The following NHEJ1 variants were observed in gnomAD, a reference collection of about 807,000 sequenced individuals.
NHEJ1 encodes non-homologous end-joining factor 1.
In NHEJ1, 22 loss-of-function variants were observed where a neutral mutation model predicts 39.4. The ratio of observed to expected loss-of-function variants is 0.56; its 90% CI spans 0.40 to 0.80. NHEJ1 has a LOEUF of 0.80. NHEJ1 is among the 30% of genes least tolerant of loss of function. The pLI is 0.00. For synonymous variants in NHEJ1, 154 were observed against 135.6 expected (o/e 1.14, Z -0.94); for missense variants, 329 against 357.1 (o/e 0.92, Z 0.63).
intron 5 of NHEJ1, among the ~76,000 whole-genome samples, chr2:219,143,845 G>A (rs896943087): frequency 6.6e-6 from 1 of 152,178 alleles, no homozygotes; most frequent in African/African-American, 2.4e-5. Flanking sequence ...AATGAGAAGT[G>A]ATTTATCCAA....
chr2:219,140,700 T>C (rs1033309458), intron 5 of NHEJ1, among the ~76,000 whole-genome samples: 1 of 152,214 alleles, frequency 6.6e-6, no homozygotes, highest in African/African-American at 2.4e-5. Flanking sequence ...AGTTCAATTT[T>C]GGACGTGTTG....
rs59843524 is a variant in NHEJ1, at chr2:219,135,043, T to TAAAAAA, written c.588+11631_588+11636dup. Among the ~76,000 whole-genome samples, 4 of 110,398 alleles carry TAAAAAA rather than the reference T, an allele frequency of 3.6e-5. 1 individual carries two copies. Among genetic ancestry groups the TAAAAAA allele is most frequent in the Non-Finnish European group, 5.5e-5 (3 of 54,774 alleles). 72.4% of individuals were successfully genotyped at this position (110,398 alleles called of 152,430 possible). The stretch of plus-strand genomic sequence containing the variant: ...AACAAAAGTGAAACTCCGTCTCAAT[T>TAAAAAA]AAAAAAAAAAAAAAAATTCAACATG... On this transcript the variant is annotated intron_variant, in intron 5 of 7. Transcript: ENST00000356853.
chr2:219,137,013 C>T (rs1475086019), intron 5 of NHEJ1, among the ~76,000 whole-genome samples: 1 of 150,156 alleles, frequency 6.7e-6, no homozygotes. Flanking sequence ...AAAACATAAG[C>T]CCTTATAAGC....
intron 5 of NHEJ1, among the ~76,000 whole-genome samples, chr2:219,094,311 T>C (rs1000298178): frequency 2.6e-5 from 4 of 152,124 alleles, no homozygotes; most frequent in Non-Finnish European, 4.4e-5. Flanking sequence ...AATTAAGATA[T>C]ACTTCAATTC....
At chr2:219,132,376 T>G (rs1462945100) in intron 5 of NHEJ1, among the ~76,000 whole-genome samples, 1 of 152,208 alleles carries the variant, frequency 6.6e-6, no homozygotes, top group African/African-American at 2.4e-5. Context: ...CGCTATGCTC[T>G]TCCCCTAGCT....
chr2:219,104,496 A>T (rs1387309838), intron 5 of NHEJ1, among the ~76,000 whole-genome samples: 1 of 152,176 alleles, frequency 6.6e-6, no homozygotes, highest in African/African-American at 2.4e-5. Context: ...CTCTTTGAAG[A>T]ATCAGAGGTT....
intron 5 of NHEJ1, among the ~76,000 whole-genome samples, chr2:219,098,071 A>G (rs990516445): frequency 6.6e-6 from 1 of 152,230 alleles, no homozygotes; most frequent in African/African-American, 2.4e-5. Context: ...CTGTTTGACC[A>G]AATAAGATGA....
intron 5 of NHEJ1, among the ~76,000 whole-genome samples, chr2:219,083,193 G>T (rs1340609812): frequency 1.3e-5 from 2 of 152,182 alleles, no homozygotes; most frequent in Non-Finnish European, 2.9e-5. Flanking sequence ...TTACATTCTA[G>T]AGGGGAGATC....
At chr2:219,144,308 G>A (rs1433661307) in intron 5 of NHEJ1, among the ~76,000 whole-genome samples, 4 of 152,042 alleles carry the variant, frequency 2.6e-5, no homozygotes, top group African/African-American at 9.7e-5. Flanking sequence ...ACAGTGCTGG[G>A]GATATAGAAA....
intron 5 of NHEJ1, among the ~76,000 whole-genome samples, chr2:219,117,125 C>T (rs1258780947): frequency 1.3e-5 from 2 of 152,212 alleles, no homozygotes; most frequent in African/African-American, 2.4e-5. Context: ...CTGCCTGCAT[C>T]GCCTTTACAA....
intron 5 of NHEJ1, among the ~76,000 whole-genome samples, chr2:219,087,896 T>C (rs529384211): frequency 6.6e-6 from 1 of 152,288 alleles, no homozygotes; most frequent in South Asian, 2.1e-4. Context: ...TTCCAAAATA[T>C]ATTAAAAACT....
At chr2:219,141,354 T>C (rs1041574654) in intron 5 of NHEJ1, among the ~76,000 whole-genome samples, 2 of 137,614 alleles carry the variant, frequency 1.5e-5, no homozygotes, top group Admixed American at 7.6e-5. Context: ...CACTCTAGCC[T>C]GGGCAACAGA....
chr2:219,122,128 G>A (rs1304626384), intron 5 of NHEJ1, among the ~76,000 whole-genome samples: 1 of 152,172 alleles, frequency 6.6e-6, no homozygotes, highest in Non-Finnish European at 1.5e-5. Flanking sequence ...TCTGACAGCA[G>A]GAGCAGCAGC....
intron 5 of NHEJ1, among the ~76,000 whole-genome samples, chr2:219,080,844 T>C (rs1050012098): frequency 5.3e-5 from 8 of 152,046 alleles, no homozygotes; most frequent in African/African-American, 1.7e-4. Context: ...TGTGAATGAA[T>C]GAGCATGGTA....
intron 5 of NHEJ1, among the ~76,000 whole-genome samples, chr2:219,121,774 C>T (rs2106345454): frequency 6.6e-6 from 1 of 151,634 alleles, no homozygotes; most frequent in Middle Eastern, 3.4e-3. Flanking sequence ...TGCAGTGAGC[C>T]CTGATTGCAC....
chr2:219,115,918 G>A (rs1042392794), intron 5 of NHEJ1, among the ~76,000 whole-genome samples: 1 of 152,124 alleles, frequency 6.6e-6, no homozygotes, highest in Non-Finnish European at 1.5e-5. Flanking sequence ...TCAAGAGATC[G>A]AGACCATGCT....
intron 5 of NHEJ1, among the ~76,000 whole-genome samples, chr2:219,082,552 C>T (rs1295541683): frequency 1.3e-5 from 2 of 152,164 alleles, no homozygotes; most frequent in Admixed American, 6.5e-5. Flanking sequence ...CTTCTAGAAT[C>T]CTGGGTAAGA....
rs916572356 is a variant in NHEJ1, at chr2:219,137,589, A to C, written c.588+9091T>G. ...TACAGGCAAAAAAAAAAAAAAAAAAAAAACAAAAAAAACTGAAAACCACCT... is the reference window on the plus strand; with the variant it reads ...TACAGGCAAAAAAAAAAAAAAAAAACAAACAAAAAAAACTGAAAACCACCT... On this transcript the variant is annotated intron_variant, in intron 5 of 7. Transcript: ENST00000356853. 4.5e-4 allele frequency among the ~76,000 whole-genome samples: 63 copies of C among 139,298 alleles called. No homozygotes were observed. In the East Asian group the frequency reaches 9.5e-3, roughly 21 times the overall value. The allele number at this position is 139,298 out of a possible 152,430, so 91.4% of individuals were successfully genotyped here.
chr2:219,132,313 G>GA (rs1949586369), intron 5 of NHEJ1, among the ~76,000 whole-genome samples: 1 of 152,268 alleles, frequency 6.6e-6, no homozygotes, highest in African/African-American at 2.4e-5. Context: ...TTTAGGGGGG[G>GA]ATACTCTGCT....
Sources: allele counts gnomAD v4.1 joint callset (sites outside exome capture counted in the v4.1 genomes callset), GRCh38; gene constraint gnomAD v4.1.1; transcripts MANE v1.5; gene names NCBI Gene and HGNC (gene_info 2026-07-23, HGNC 2026-07-21).